The following WLS variants were observed in gnomAD, a reference collection of about 807,000 sequenced individuals.
The protein encoded by WLS is Wnt ligand secretion mediator.
WLS carries 23 observed loss-of-function variants against 62.8 expected under a neutral mutation model. That is an observed-to-expected ratio of 0.37 (90% confidence interval 0.26 to 0.52). The LOEUF is 0.52. WLS is among the 20% of genes least tolerant of loss of function. The pLI, the probability that WLS is intolerant of heterozygous loss-of-function variation, is 0.92. For synonymous variants in WLS, 246 were observed against 244.1 expected, an observed-to-expected ratio of 1.01 and a Z score of -0.07; for missense variants, 615 against 697.3, an observed-to-expected ratio of 0.88 and a Z score of 1.33.
intron 2 of WLS, among the ~76,000 whole-genome samples, chr1:68,181,118 A>C (rs1474919479): frequency 6.6e-6 from 1 of 152,078 alleles, no homozygotes; most frequent in Non-Finnish European, 1.5e-5. Flanking sequence ...AAATAATCTT[A>C]ACTTCATTTT....
At chr1:68,204,964 C>T (rs1649221382) in intron 1 of WLS, among the ~76,000 whole-genome samples, 1 of 152,210 alleles carries the variant, frequency 6.6e-6, no homozygotes, top group African/African-American at 2.4e-5. Context: ...GCAAGTCCTC[C>T]AGACCTGAAC....
intron 2 of WLS, among the ~76,000 whole-genome samples, chr1:68,188,504 T>A (rs1466165082): frequency 6.6e-6 from 1 of 152,160 alleles, no homozygotes; most frequent in African/African-American, 2.4e-5. Context: ...AACACAAGGC[T>A]GATAAAGTAA....
intron 11 of WLS, among the ~76,000 whole-genome samples, chr1:68,106,454 T>A (rs1280467366): frequency 6.6e-6 from 1 of 152,126 alleles, no homozygotes; most frequent in Non-Finnish European, 1.5e-5. Context: ...AAAGACAGCA[T>A]CTCTGGGACA....
At chr1:68,098,990 C>T (rs1015583728) in intron 11 of WLS, among the ~76,000 whole-genome samples, 1 of 152,062 alleles carries the variant, frequency 6.6e-6, no homozygotes. Flanking sequence ...ACAATCAGTT[C>T]CTCCACATTC....
chr1:68,191,000 G>A (rs1022946305), intron 2 of WLS, among the ~76,000 whole-genome samples: 3 of 151,246 alleles, frequency 2.0e-5, no homozygotes, highest in Non-Finnish European at 4.4e-5. Context: ...GGAGGTTGTG[G>A]TGAGCCAAGA....
intron 1 of WLS, among the ~76,000 whole-genome samples, chr1:68,195,226 C>G (rs1053925064): frequency 6.6e-6 from 1 of 152,162 alleles, no homozygotes; most frequent in Admixed American, 6.5e-5. Flanking sequence ...TGTGATAACA[C>G]CAGCTCTGGA....
chr1:68,220,945 C>G (rs893314260), intron 1 of WLS, among the ~76,000 whole-genome samples: 1 of 152,086 alleles, frequency 6.6e-6, no homozygotes, highest in Non-Finnish European at 1.5e-5. Flanking sequence ...TACTGCTCAT[C>G]GATCTCCTAA....
chr1:68,184,000 T>C (rs1235840800), intron 2 of WLS, among the ~76,000 whole-genome samples: 1 of 152,174 alleles, frequency 6.6e-6, no homozygotes, highest in Non-Finnish European at 1.5e-5. Context: ...CGAAACATAA[T>C]GCTTTCATTA....
At chr1:68,118,201 C>T in intron 11 of WLS, among the ~76,000 whole-genome samples, 1 of 152,158 alleles carries the variant, frequency 6.6e-6, no homozygotes, top group East Asian at 1.9e-4. Flanking sequence ...GATAAATATA[C>T]TAAATCAGAC....
rs893443642 is a variant in WLS at position 68,104,874 on chromosome 1, C to T, written c.1511-6121G>A. 3.4e-4 allele frequency among the ~76,000 whole-genome samples: 52 copies of T among 152,312 alleles called. 1 individual carries two copies. Among genetic ancestry groups the T allele is most frequent in the Non-Finnish European group, 2.4e-4 (16 of 68,032 alleles). On this transcript the variant is annotated intron_variant, in intron 11 of 11. Coordinates refer to the WLS transcript ENST00000354777. ...GGCCAAGGATGCAGGTAGCCATGAT[C>T]GTGCCTCTGCACTACAACCTGGGCA...
rs917081060 is a variant in WLS at position 68,182,123 on chromosome 1, A to G, written c.379+11832T>C. Among the ~76,000 whole-genome samples the G allele has an allele frequency of 2.0e-5, 3 of 152,258 alleles. No homozygotes were observed. In the East Asian group the frequency reaches 5.8e-4, roughly 29 times the overall value. ...CCAGTAACCAATAGATGACTAGAAG[A>G]AAGTGTATGTAACTAGATATACCAA... is the stretch of plus-strand genomic sequence containing the variant. On this transcript the variant is annotated intron_variant, in intron 2 of 11. Transcript: ENST00000262348.
intron 2 of WLS, among the ~76,000 whole-genome samples, chr1:68,168,688 A>G (rs1318203368): frequency 2.0e-5 from 3 of 152,338 alleles, no homozygotes; most frequent in Middle Eastern, 3.4e-3. Flanking sequence ...GCTCGTGTGC[A>G]TTCCCACATT....
Position 68,232,090 on chromosome 1 carries a change from A to G in WLS, c.106+104T>C, listed in dbSNP as rs1650454152. 15 of 1,485,466 alleles carry G rather than the reference A, an allele frequency of 1.0e-5. No homozygotes were observed. The East Asian group carries it at 2.9e-4, about 29-fold the overall frequency. 92.0% of individuals were successfully genotyped at this position (1,485,466 alleles called of 1,614,324 possible). ...GCACAATAGCCGGACTAATTAGATC[A>G]TAGAAGCAAGGCAGTGATACTGTAA... On this transcript the variant is annotated intron_variant, in intron 1 of 11. Transcript: ENST00000262348.
At chr1:68,219,371 A>C (rs1649855989) in intron 1 of WLS, among the ~76,000 whole-genome samples, 1 of 152,216 alleles carries the variant, frequency 6.6e-6, no homozygotes, top group South Asian at 2.1e-4. Context: ...TAGTTTCCAC[A>C]ATATAATGGA....
intron 1 of WLS, among the ~76,000 whole-genome samples, chr1:68,205,364 T>C (rs780825910): frequency 2.0e-5 from 3 of 152,118 alleles, no homozygotes; most frequent in Non-Finnish European, 4.4e-5. Flanking sequence ...TCAAAAGAAA[T>C]TAGATAGTAG....
chr1:68,231,724 T>TAA (rs1650429633), intron 1 of WLS: 2 of 461,568 alleles, frequency 4.3e-6, no homozygotes, highest in African/African-American at 2.0e-5. Context: ...CTCAGCCTTG[T>TAA]AACAGAGCTC....
intron 2 of WLS, among the ~76,000 whole-genome samples, chr1:68,164,575 CAT>C (rs1278599795): frequency 6.6e-6 from 1 of 152,082 alleles, no homozygotes; most frequent in African/African-American, 2.4e-5. Flanking sequence ...TTTTTTAAAA[CAT>C]AAAAAATACA....
intron 11 of WLS, chr1:68,102,723 T>C (rs1646094779): frequency 6.6e-6 from 1 of 152,268 alleles, no homozygotes; most frequent in Non-Finnish European, 1.5e-5. Context: ...CATCTTATTA[T>C]ACAGGTAAAA....
chr1:68,183,684 C>T, intron 2 of WLS: 1 of 294,976 alleles, frequency 3.4e-6, no homozygotes. Flanking sequence ...TCCCTTTATT[C>T]CAGTTGTCTT....
Sources: allele counts gnomAD v4.1 joint callset (sites outside exome capture counted in the v4.1 genomes callset), GRCh38; gene constraint gnomAD v4.1.1; transcripts MANE v1.5; gene names NCBI Gene and HGNC (gene_info 2026-07-23, HGNC 2026-07-21).